Variants in LRP1B observed in about 807,000 individuals in gnomAD.
LRP1B encodes LDL receptor related protein 1B.
In LRP1B, 217 loss-of-function variants were observed where a neutral mutation model predicts 556.6. The observed-to-expected ratio is 0.39, with a 90% CI of 0.35 to 0.44. The LOEUF is 0.44. Among genes scored for constraint, LRP1B ranks in the 20% least tolerant of loss-of-function variants. The pLI is 1.00. For missense variants in LRP1B, 5,053 were observed against 5,620.8 expected (o/e 0.90, Z 3.23); for synonymous variants, 2,047 against 1,865.8 (o/e 1.10, Z -2.50).
intron 66 of LRP1B, among the ~76,000 whole-genome samples, chr2:140,398,958 C>T (rs148343609): frequency 0.012 from 1,833 of 152,126 alleles, 33 homozygotes; most frequent in African/African-American, 0.042. Flanking sequence ...TTCTTAAAAA[C>T]TCCTCCAAAT....
At chr2:141,822,844 T>A (rs1258359737) in intron 1 of LRP1B, among the ~76,000 whole-genome samples, 20 of 152,152 alleles carry the variant, frequency 1.3e-4, no homozygotes, top group Non-Finnish European at 2.9e-4. Context: ...AAGCTGCGGA[T>A]GGTTTAGTAA....
rs536580369 is a variant in LRP1B at position 141,701,858 on chromosome 2, G to T, written c.205+108421C>A. 5.9e-5 allele frequency among the ~76,000 whole-genome samples: 9 copies of T among 151,926 alleles called. No individual in the cohort carries two copies. The South Asian group carries it at 1.7e-3, about 28-fold the overall frequency. On this transcript the variant is annotated intron_variant, in intron 2 of 90. Coordinates refer to ENST00000389484, the MANE Select transcript of LRP1B (RefSeq NM_018557.3). ...TAACTCAATTTTCAATATTTATTTA[G>T]TCCTCATTGTTTATACAATTTGATG...
chr2:141,634,197 G>A (rs1689015643), intron 2 of LRP1B, among the ~76,000 whole-genome samples: 1 of 151,760 alleles, frequency 6.6e-6, no homozygotes, highest in African/African-American at 2.4e-5. Flanking sequence ...TATCAAAAAA[G>A]GCTCATCTTA....
chr2:140,455,313 G>A (rs951480536), intron 62 of LRP1B, among the ~76,000 whole-genome samples: 2 of 152,098 alleles, frequency 1.3e-5, no homozygotes, highest in African/African-American at 2.4e-5. Flanking sequence ...CCTCTTGAGG[G>A]CAGCTCACAC....
At chr2:141,569,412 T>C (rs1686451158) in intron 2 of LRP1B, among the ~76,000 whole-genome samples, 1 of 151,124 alleles carries the variant, frequency 6.6e-6, no homozygotes, top group African/African-American at 2.4e-5. Flanking sequence ...CATGAACATT[T>C]GAAAAACAGA....
Position 140,371,189 on chromosome 2 carries a change from C to A in LRP1B, c.10865G>T (p.Gly3622Val), listed in dbSNP as rs72990625. The A allele has an allele frequency of 6.3e-7, 1 of 1,580,108 alleles. No homozygotes were observed. The highest frequency in any genetic ancestry group is 8.6e-7 in the Non-Finnish European group (1 of 1,162,076). The change falls in exon 70 of 91, where the codon GGT becomes GTT. Residue 3622 changes from glycine to valine, a missense_variant. By Grantham distance (109) the Gly-to-Val change is moderately radical. Coordinates refer to ENST00000389484, the MANE Select transcript of LRP1B (RefSeq NM_018557.3). ...AACAATATATTTTACCTCATCTGAA[C>A]CATCAGCACAATCATATTCTCCATT... ...KCNGEYDCAD[G>V]SDEMDCVTEC...
intron 3 of LRP1B, among the ~76,000 whole-genome samples, chr2:141,375,942 C>G (rs1008000158): frequency 6.6e-6 from 1 of 152,130 alleles, no homozygotes; most frequent in East Asian, 1.9e-4. Flanking sequence ...AAAATGGCGC[C>G]TTGCTTGTCC....
intron 1 of LRP1B, among the ~76,000 whole-genome samples, chr2:141,944,890 T>C (rs752707001): frequency 5.3e-5 from 8 of 152,180 alleles, no homozygotes; most frequent in Non-Finnish European, 1.2e-4. Flanking sequence ...CTTATCCCTA[T>C]TTGCTTTAAC....
intron 58 of LRP1B, 101 bp from the exon 59 acceptor site, chr2:140,485,625 T>C: frequency 2.5e-6 from 2 of 791,194 alleles, no homozygotes; most frequent in Non-Finnish European, 3.9e-6. Context: ...TCCATTTAAA[T>C]GTAAAGAATG....
intron 87 of LRP1B, among the ~76,000 whole-genome samples, chr2:140,246,665 TAA>T (rs1681179418): frequency 1.3e-5 from 2 of 151,516 alleles, no homozygotes; most frequent in African/African-American, 4.8e-5. Context: ...GACTAACCAA[TAA>T]AGTCTGTCTT....
chr2:140,776,294 A>T, intron 32 of LRP1B, 56 bp from the exon 33 acceptor site: 1 of 1,126,502 alleles, frequency 8.9e-7, no homozygotes, highest in Non-Finnish European at 1.2e-6. Context: ...ATTAAATAAT[A>T]ATAAATACTT....
At chr2:140,911,912 T>TCA (rs1694430743) in intron 21 of LRP1B, among the ~76,000 whole-genome samples, 1 of 151,760 alleles carries the variant, frequency 6.6e-6, no homozygotes, top group Non-Finnish European at 1.5e-5. Context: ...AGAATAGCAG[T>TCA]AAGGCTATTT....
chr2:141,245,553 A>G (rs7604101), intron 5 of LRP1B, among the ~76,000 whole-genome samples: 12,857 of 152,250 alleles, frequency 0.084, 567 homozygotes, highest in South Asian at 0.12. Context: ...CTGATATGAA[A>G]CTACCTTTGG....
At chr2:141,716,969 A>AG (rs10708302) in intron 2 of LRP1B, among the ~76,000 whole-genome samples, 9 of 151,534 alleles carry the variant, frequency 5.9e-5, no homozygotes, top group African/African-American at 2.2e-4. Flanking sequence ...CATGATCCAC[A>AG]GGGGGGGGTC....
intron 27 of LRP1B, among the ~76,000 whole-genome samples, chr2:140,862,213 A>G (rs114001499): frequency 0.02 from 3,035 of 152,266 alleles, 87 homozygotes; most frequent in African/African-American, 0.064. Context: ...AGTGTCTGCA[A>G]ATGATGGCCT....
intron 41 of LRP1B, among the ~76,000 whole-genome samples, chr2:140,697,945 G>A (rs1462728737): frequency 6.6e-6 from 1 of 151,762 alleles, no homozygotes; most frequent in East Asian, 1.9e-4. Context: ...TTATATATGT[G>A]GATATACATG....
chr2:140,601,273 G>A (rs888471222), intron 42 of LRP1B, among the ~76,000 whole-genome samples, 177 bp downstream of exon 42: 2 of 151,318 alleles, frequency 1.3e-5, no homozygotes, highest in Admixed American at 6.6e-5. Context: ...GCTTTTAAAG[G>A]GACCAGATTT....
At chr2:140,996,005 A>G (rs1427218058) in intron 15 of LRP1B, among the ~76,000 whole-genome samples, 6 of 152,156 alleles carry the variant, frequency 3.9e-5, no homozygotes, top group Admixed American at 3.9e-4. Flanking sequence ...CAACGTAAAC[A>G]TGAATGTTAT....
At chr2:140,394,779 C>T (rs1297098239) in intron 66 of LRP1B, among the ~76,000 whole-genome samples, 2 of 152,040 alleles carry the variant, frequency 1.3e-5, no homozygotes. Flanking sequence ...TGTCGATAAC[C>T]TAGGAAGGTC....
Sources: gnomAD v4.1 joint callset for allele counts (sites outside exome capture counted in the v4.1 genomes callset) on GRCh38, gnomAD v4.1.1 for gene constraint, MANE v1.5 for transcripts, NCBI Gene and HGNC (gene_info 2026-07-23, HGNC 2026-07-21) for gene names.